The following CREB3L2 variants were observed in gnomAD, a reference collection of about 807,000 sequenced individuals.
CREB3L2 encodes cAMP responsive element binding protein 3 like 2.
Under a neutral mutation model 57.2 loss-of-function variants are expected in CREB3L2, and 23 were observed. The observed-to-expected ratio is 0.40, with a 90% CI of 0.29 to 0.57. The LOEUF is 0.57. Among genes scored for constraint, CREB3L2 ranks in the 20% least tolerant of loss-of-function variants. CREB3L2 has a pLI of 0.42. For synonymous variants in CREB3L2, 268 were observed against 265.1 expected, an observed-to-expected ratio of 1.01 and a Z score of -0.11; for missense variants, 628 against 634.7, an observed-to-expected ratio of 0.99 and a Z score of 0.11.
chr7:137,970,935 G>A lies in CREB3L2; in HGVS notation c.102+30669C>T, dbSNP rs183133239. Among the ~76,000 whole-genome samples, 131 of 152,234 alleles carry A rather than the reference G, an allele frequency of 8.6e-4. 1 individual carries two copies. Among genetic ancestry groups the A allele is most frequent in the South Asian group, 2.5e-3 (12 of 4,830 alleles). ...TGCAGTGTGCACCTACCTACACTAC[G>A]GTTACTTTATAGCTGGGTGCCTCAG... On this transcript the variant is annotated intron_variant, in intron 1 of 11. Transcript: ENST00000330387.
Position 137,905,755 on chromosome 7 carries a change from A to G in CREB3L2, c.862T>C (p.Ser288Pro), listed in dbSNP as rs1172027890. Residue 288 changes from serine to proline, a missense_variant, in exon 6 of 12, where the codon TCA (serine) becomes CCA (proline). Physicochemically the swap from Ser to Pro is moderately conservative, Grantham distance 74. This residue lies in a region of CREB3L2 where 17 missense variants were observed against 36.6 expected (regional missense o/e 0.46). Coordinates refer to ENST00000330387, the MANE Select transcript of CREB3L2 (RefSeq NM_194071.4). ...TTCAGGGCCTTCTCCTCTGATTTTG[A>G]CAGGGGCAATTTGGTGGGGATGGGA... is the stretch of plus-strand genomic sequence containing the variant. ...GYPIPTKLPL[S>P]KSEEKALKKI... 1 of 1,614,120 alleles carries G rather than the reference A, an allele frequency of 6.2e-7. No homozygotes were observed. The highest frequency in any genetic ancestry group is 1.1e-5 in the South Asian group (1 of 91,084).
At chr7:137,938,276 T>C (rs773570359) in intron 1 of CREB3L2, among the ~76,000 whole-genome samples, 1 of 152,200 alleles carries the variant, frequency 6.6e-6, no homozygotes, top group African/African-American at 2.4e-5. Context: ...AGAGGACATA[T>C]GGGAAATCTT....
intron 1 of CREB3L2, among the ~76,000 whole-genome samples, chr7:137,974,672 G>C (rs1248843389): frequency 6.6e-6 from 1 of 152,220 alleles, no homozygotes; most frequent in African/African-American, 2.4e-5. Context: ...CAAGGAGATG[G>C]AAAGAAGTGA....
chr7:137,881,456 G>A (rs1183325832), intron 11 of CREB3L2, among the ~76,000 whole-genome samples: 1 of 152,126 alleles, frequency 6.6e-6, no homozygotes, highest in Non-Finnish European at 1.5e-5. Flanking sequence ...TAACACTTCT[G>A]GTCCCAGGCA....
intron 1 of CREB3L2, among the ~76,000 whole-genome samples, chr7:137,945,801 T>A (rs1800962268): frequency 6.6e-6 from 1 of 152,170 alleles, no homozygotes; most frequent in Admixed American, 6.5e-5. Context: ...TTCACCCGCC[T>A]CCTCATGAGG....
intron 8 of CREB3L2, among the ~76,000 whole-genome samples, chr7:137,888,649 A>G (rs571366792): frequency 6.6e-6 from 1 of 152,254 alleles, no homozygotes; most frequent in South Asian, 2.1e-4. Context: ...AGAAAAGACC[A>G]CATGGCTCAA....
At chr7:137,959,801 G>A (rs950915284) in intron 1 of CREB3L2, among the ~76,000 whole-genome samples, 3 of 152,186 alleles carry the variant, frequency 2.0e-5, no homozygotes, top group South Asian at 2.1e-4. Context: ...GCCATCCGGC[G>A]AGGAAAGTAC....
intron 1 of CREB3L2, among the ~76,000 whole-genome samples, chr7:137,929,590 C>T (rs273973): frequency 0.39 from 59,520 of 151,410 alleles, 13,816 homozygotes; most frequent in East Asian, 0.78. Context: ...GGGCCAGGCA[C>T]GGTGGCTCAT....
At chr7:137,994,025 G>C (rs1442125769) in intron 1 of CREB3L2, among the ~76,000 whole-genome samples, 1 of 152,222 alleles carries the variant, frequency 6.6e-6, no homozygotes, top group African/African-American at 2.4e-5. Context: ...CCACTGAGCA[G>C]GGAAAAAGAG....
intron 1 of CREB3L2, among the ~76,000 whole-genome samples, chr7:137,996,222 C>G (rs1323496768): frequency 6.6e-6 from 1 of 152,162 alleles, no homozygotes; most frequent in Non-Finnish European, 1.5e-5. Flanking sequence ...TTAAATCTTA[C>G]TAACACTAAA....
rs140694904 is a variant in CREB3L2 at position 137,987,506 on chromosome 7, A to G, written c.102+14098T>C. Among the ~76,000 whole-genome samples, 192 of 152,368 alleles carry G rather than the reference A, an allele frequency of 1.3e-3. 1 individual carries two copies. The highest frequency in any genetic ancestry group is 4.3e-3 in the African/African-American group (180 of 41,580). On this transcript the variant is annotated intron_variant, in intron 1 of 11. Coordinates refer to ENST00000330387, the MANE Select transcript of CREB3L2 (RefSeq NM_194071.4). ...GCTTATCTGTGACTAATCTCTAAAAATTAAGTTTAAATCAAAAGCTGCCAC... is the reference window on the plus strand; with the variant it reads ...GCTTATCTGTGACTAATCTCTAAAAGTTAAGTTTAAATCAAAAGCTGCCAC...
intron 1 of CREB3L2, among the ~76,000 whole-genome samples, chr7:137,971,383 G>A (rs1005967800): frequency 1.3e-5 from 2 of 151,584 alleles, no homozygotes; most frequent in African/African-American, 4.8e-5. Context: ...CTGGGAGGCG[G>A]AGCTTGCAGT....
rs10263774 is a variant in CREB3L2, at chr7:137,990,790, A to G, written c.102+10814T>C. Among the ~76,000 whole-genome samples the G allele has an allele frequency of 8.5e-3, 1,301 of 152,328 alleles. 19 individuals are homozygous for G. Among genetic ancestry groups the G allele is most frequent in the African/African-American group, 0.03 (1,235 of 41,574 alleles). ...GTTTGAATCCTGCAAGCTCTTTCTCAGCCAAAAGGAATTTCCCTTTAAACA... is the reference window on the plus strand; with the variant it reads ...GTTTGAATCCTGCAAGCTCTTTCTCGGCCAAAAGGAATTTCCCTTTAAACA... On this transcript the variant is annotated intron_variant, in intron 1 of 11. Coordinates refer to ENST00000330387, the MANE Select transcript of CREB3L2 (RefSeq NM_194071.4).
chr7:137,964,012 C>T lies in CREB3L2; in HGVS notation c.103-35646G>A, dbSNP rs79104899. Among the ~76,000 whole-genome samples the T allele has an allele frequency of 6.8e-3, 1,031 of 152,300 alleles. 17 individuals carry two copies. The highest frequency in any genetic ancestry group is 0.024 in the African/African-American group (993 of 41,564). On this transcript the variant is annotated intron_variant, in intron 1 of 11. Transcript: ENST00000330387. ...AGATCCTTTATCCCTTTTAAGATGGCCATGTTAAAGAAACACTTGCGGCCA... is the reference window on the plus strand; with the variant it reads ...AGATCCTTTATCCCTTTTAAGATGGTCATGTTAAAGAAACACTTGCGGCCA...
rs76748222 is a variant in CREB3L2 at position 137,978,108 on chromosome 7, C to T, written c.102+23496G>A. Among the ~76,000 whole-genome samples the T allele has an allele frequency of 3.2e-3, 488 of 152,142 alleles. 3 individuals carry two copies. The highest frequency in any genetic ancestry group is 0.011 in the African/African-American group (449 of 41,484). ...GTGAAATCAATAGGTATTATCATTT[C>T]ACCTTACAAATGAAGCAGAGAGACC... On this transcript the variant is annotated intron_variant, in intron 1 of 11. Coordinates refer to ENST00000330387, the MANE Select transcript of CREB3L2 (RefSeq NM_194071.4).
At chr7:137,898,345 G>A (rs189465887) in intron 8 of CREB3L2, among the ~76,000 whole-genome samples, 29 of 152,344 alleles carry the variant, frequency 1.9e-4, no homozygotes, top group Admixed American at 1.7e-3. Flanking sequence ...ATGAAAAACA[G>A]TGTAGAGGTT....
chr7:137,881,964 T>C (rs1302652927), intron 11 of CREB3L2, among the ~76,000 whole-genome samples: 17 of 152,248 alleles, frequency 1.1e-4, no homozygotes, highest in Admixed American at 1.0e-3. Context: ...AACACATGTG[T>C]ATTTACATAT....
chr7:137,894,325 T>C lies in CREB3L2; in HGVS notation c.1043+7029A>G, dbSNP rs74335215. Among the ~76,000 whole-genome samples, 78 of 152,288 alleles carry C rather than the reference T, an allele frequency of 5.1e-4. 2 individuals carry two copies. The East Asian group carries it at 0.014, about 27-fold the overall frequency. On this transcript the variant is annotated intron_variant, in intron 8 of 11. Coordinates refer to ENST00000330387, the MANE Select transcript of CREB3L2 (RefSeq NM_194071.4). ...TGGGGGCAAGGAGAACTGATACATA[T>C]ATGCTGCTGCTCACTCTGTCTACTG...
intron 10 of CREB3L2, chr7:137,884,684 T>G: frequency 1.7e-6 from 1 of 592,284 alleles, no homozygotes; most frequent in Non-Finnish European, 3.0e-6. Context: ...GACAGACTCT[T>G]TCCCTCATCT....
Sources: allele counts gnomAD v4.1 joint callset (sites outside exome capture counted in the v4.1 genomes callset), GRCh38; gene constraint gnomAD v4.1.1; regional missense constraint gnomAD v4.1.1; transcripts MANE v1.5; gene names NCBI Gene and HGNC (gene_info 2026-07-23, HGNC 2026-07-21).